KIAA0586: variants seen among roughly 807,000 people sequenced by gnomAD.
KIAA0586 encodes the protein KIAA0586, also known as protein TALPID3.
A neutral mutation model predicts 169.8 loss-of-function variants in KIAA0586; 144 were observed. The observed-to-expected ratio is 0.85, with a 90% CI of 0.74 to 0.97. KIAA0586 has a LOEUF of 0.97. Among genes scored for constraint, KIAA0586 ranks in the 50% least tolerant of loss-of-function variants. The pLI, the probability that KIAA0586 is intolerant of heterozygous loss-of-function variation, is 0.00. For missense variants in KIAA0586, 1,854 were observed against 1,823.0 expected (o/e 1.02, Z -0.31); for synonymous variants, 625 against 612.4 (o/e 1.02, Z -0.30).
chr14:58,486,796 G>A (rs531588721), intron 21 of KIAA0586, among the ~76,000 whole-genome samples: 2 of 152,172 alleles, frequency 1.3e-5, no homozygotes, highest in Non-Finnish European at 1.5e-5. Flanking sequence ...TTAGAATTCT[G>A]TGGGGACCAC....
intron 4 of KIAA0586, among the ~76,000 whole-genome samples, chr14:58,438,831 C>T (rs997077664): frequency 6.6e-6 from 1 of 152,112 alleles, no homozygotes; most frequent in African/African-American, 2.4e-5. Flanking sequence ...TGTGGAGTCA[C>T]TTGTGGGCAT....
At chr14:58,523,722 T>C (rs1434380308) in intron 29 of KIAA0586, among the ~76,000 whole-genome samples, 1 of 146,850 alleles carries the variant, frequency 6.8e-6, no homozygotes, top group African/African-American at 2.5e-5. Flanking sequence ...TAATTGAATA[T>C]TATTATTATT....
intron 4 of KIAA0586, chr14:58,433,325 C>T (rs2037537133): frequency 6.6e-6 from 1 of 152,234 alleles, no homozygotes; most frequent in Non-Finnish European, 1.5e-5. Context: ...CCTTGGTCTC[C>T]CACAGTGCTG....
intron 16 of KIAA0586, among the ~76,000 whole-genome samples, chr14:58,469,450 C>A (rs565225684): frequency 9.8e-5 from 15 of 152,312 alleles, no homozygotes; most frequent in South Asian, 6.2e-4. Flanking sequence ...CCCAGTGGTG[C>A]AGCAGCTATG....
Position 58,508,671 on chromosome 14 carries a change from G to A in KIAA0586, c.4285G>A (p.Asp1429Asn). The change falls in exon 28 of 31, where the codon GAT becomes AAT. Residue 1429 changes from aspartate (D) to asparagine (N), a missense_variant. Physicochemically the swap from Asp to Asn is conservative, Grantham distance 23 (BLOSUM62 1). Transcript: ENST00000652326. The stretch of plus-strand genomic sequence containing the variant: ...AACACTTCTGACAGCACAAGAAAAT[G>A]ATGTTAATTTACCAGTAGCCGCTGA... ...PTTLLTAQEN[D>N]VNLPVAAEDF... 1 of 1,593,462 alleles carries A rather than the reference G, an allele frequency of 6.3e-7. No individual in the cohort carries two copies. Among genetic ancestry groups the A allele is most frequent in the South Asian group, 1.1e-5 (1 of 87,548 alleles).
At chr14:58,486,899 T>A (rs1743702) in intron 21 of KIAA0586, 108 bp from the exon 22 acceptor site, 2 of 807,154 alleles carry the variant, frequency 2.5e-6, no homozygotes, top group Non-Finnish European at 3.6e-6. Flanking sequence ...TACTTAACCC[T>A]GCCATCAATT....
rs2036951640 is a variant in KIAA0586, at chr14:58,427,773, G to A, written c.-492G>A. On this transcript the variant is annotated 5_prime_UTR_variant, in exon 1 of 31. Coordinates refer to ENST00000652326, the MANE Select transcript of KIAA0586 (RefSeq NM_001329943.3). ...CGGGTCTCGGGCGTTCTGGAGATAC[G>A]TAGGGGTGAATTTATGTTTCCGACG... The A allele has an allele frequency of 5.2e-6, 8 of 1,525,616 alleles. No individual in the cohort carries two copies. The highest frequency in any genetic ancestry group is 7.0e-6 in the Non-Finnish European group (8 of 1,142,176). 94.5% of individuals were successfully genotyped at this position (1,525,616 alleles called of 1,614,324 possible). A position where few individuals can be genotyped will look rare whatever the true frequency, so the allele number is the denominator to read the frequency against.
At position 58,467,876 on chromosome 14, in the gene KIAA0586, T is replaced by C. The variant is rs369850927; in HGVS notation, c.2396T>C (p.Val799Ala). The change falls in exon 16 of 31, where the codon GTA becomes GCA. Residue 799 changes from valine (V) to alanine (A), a missense_variant. Val to Ala is a moderately conservative substitution (Grantham distance 64). Transcript: ENST00000652326. Reference protein sequence around the residue: ...TGVKKPNIAIVEMKSEKKDPP... With the variant: ...TGVKKPNIAIAEMKSEKKDPP... ...GTAAAGAAACCTAACATAGCCATTG[T>C]AGAAATGAAGTCAGAAAAAAAGGAT... The C allele has an allele frequency of 1.2e-6, 2 of 1,613,708 alleles. No homozygotes were observed. Among genetic ancestry groups the C allele is most frequent in the Non-Finnish European group, 1.7e-6 (2 of 1,179,796 alleles).
intron 29 of KIAA0586, among the ~76,000 whole-genome samples, chr14:58,531,171 A>G (rs1220728650): frequency 2.0e-5 from 3 of 151,238 alleles, no homozygotes; most frequent in Non-Finnish European, 3.0e-5. Flanking sequence ...ACAAAAAAAA[A>G]AAAAAATTAG....
At chr14:58,544,472 T>C (rs1032610445) in intron 30 of KIAA0586, among the ~76,000 whole-genome samples, 4 of 152,204 alleles carry the variant, frequency 2.6e-5, no homozygotes, top group Admixed American at 6.5e-5. Flanking sequence ...ATTGAACTAA[T>C]TTACCCTCCT....
intron 4 of KIAA0586, among the ~76,000 whole-genome samples, chr14:58,436,352 G>GA (rs911574289): frequency 3.1e-4 from 44 of 143,468 alleles, no homozygotes; most frequent in Admixed American, 4.9e-4. Context: ...TGTCCCCACC[G>GA]AAAAAAAAAA....
At position 58,543,815 on chromosome 14, in the gene KIAA0586, C is replaced by T. The variant is rs78858898; in HGVS notation, c.4495+3679C>T. The T allele has an allele frequency of 0.011, 4,648 of 428,422 alleles. 504 individuals are homozygous for T. The East Asian group carries it at 0.26, about 24-fold the overall frequency. 26.5% of individuals were successfully genotyped at this position (428,422 alleles called of 1,614,324 possible). A position where few individuals can be genotyped will look rare whatever the true frequency, so the allele number is the denominator to read the frequency against. On this transcript the variant is annotated intron_variant, in intron 30 of 30. Coordinates refer to ENST00000652326, the MANE Select transcript of KIAA0586 (RefSeq NM_001329943.3). ...GGACTATTTTTATAGATCCGTCTCC[C>T]GTCTCTCTATTTTCCACACAGCTAT...
chr14:58,450,553 A>G, intron 7 of KIAA0586, 26 bp from the exon 8 acceptor site: 7 of 1,438,344 alleles, frequency 4.9e-6, no homozygotes, highest in Non-Finnish European at 6.7e-6. Flanking sequence ...AAGCAAGTTA[A>G]GTTTTTAAAA....
chr14:58,549,406 G>A lies in KIAA0586; in HGVS notation c.*1474G>A, dbSNP rs1031787752. The A allele has an allele frequency of 5.3e-5, 8 of 151,948 alleles. No individual in the cohort carries two copies. Among genetic ancestry groups the A allele is most frequent in the African/African-American group, 1.7e-4 (7 of 41,376 alleles). 9.4% of individuals were successfully genotyped at this position (151,948 alleles called of 1,614,324 possible). On this transcript the variant is annotated 3_prime_UTR_variant, in exon 31 of 31. Coordinates refer to ENST00000652326, the MANE Select transcript of KIAA0586 (RefSeq NM_001329943.3). Reference sequence around the variant, plus strand: ...ACTCAAGGCTGAGAATTACTGAAGAGCAATTTAGAATTCCTTAAACTTCTA... The same window carrying A: ...ACTCAAGGCTGAGAATTACTGAAGAACAATTTAGAATTCCTTAAACTTCTA...
At chr14:58,482,431 A>AAAT (rs1297271742) in intron 20 of KIAA0586, 82 bp from the exon 21 acceptor site, 122 of 1,082,164 alleles carry the variant, frequency 1.1e-4, no homozygotes, top group African/African-American at 8.7e-4. Flanking sequence ...GTCTCGAGAA[A>AAAT]AATAATAATA....
In KIAA0586 at chr14:58,466,002, C is replaced by T. The variant is rs192490416; in HGVS notation, c.2227C>T (p.His743Tyr). ...TACTTTTTCAGGTACATTGGAAGGT[C>T]ATCTGATTCCTATGGCAATTCTTTT... ...MPTFSGTLEG[H>Y]LIPMAILLGQ... Residue 743 changes from histidine (H) to tyrosine (Y), a missense_variant, in exon 15 of 31, where the codon CAT (histidine) becomes TAT (tyrosine). Physicochemically the swap from His to Tyr is moderately conservative, Grantham distance 83 (BLOSUM62 2). Coordinates refer to ENST00000652326, the MANE Select transcript of KIAA0586 (RefSeq NM_001329943.3). 3 of 1,608,590 alleles carry T rather than the reference C, an allele frequency of 1.9e-6. No homozygotes were observed. In the African/African-American group the frequency reaches 4.0e-5, roughly 22 times the overall value.
intron 30 of KIAA0586, among the ~76,000 whole-genome samples, chr14:58,543,476 C>T (rs1005659763): frequency 1.7e-4 from 26 of 152,292 alleles, no homozygotes; most frequent in African/African-American, 6.0e-4. Flanking sequence ...ATGAGCTCAG[C>T]TCTGCCCTGT....
chr14:58,508,274 G>A (rs1007505984), intron 27 of KIAA0586, among the ~76,000 whole-genome samples: 10 of 152,234 alleles, frequency 6.6e-5, no homozygotes, highest in African/African-American at 2.4e-4. Context: ...GAGTTCGTAT[G>A]TGGGAAGGAG....
chr14:58,460,027 T>G lies in KIAA0586; in HGVS notation c.1841T>G (p.Met614Arg), dbSNP rs1377736495. The G allele has an allele frequency of 1.3e-6, 2 of 1,533,598 alleles. No individual in the cohort carries two copies. Among genetic ancestry groups the G allele is most frequent in the South Asian group, 2.4e-5 (2 of 83,842 alleles). The allele number at this position is 1,533,598 out of a possible 1,614,324, so 95.0% of individuals were successfully genotyped here. The change falls in exon 13 of 31, where the codon ATG (methionine) becomes AGG (arginine). Residue 614 changes from methionine to arginine, a missense_variant. Physicochemically the swap from Met to Arg is moderately conservative, Grantham distance 91. Transcript: ENST00000652326. ...GAAGAGCATTTTAGAAATCTACCTA[T>G]GAGGGGCATGCCTGCTTCAAGTTTA... The part of the protein sequence containing the change: ...QIEEHFRNLP[M>R]RGMPASSLQK...
Sources: allele counts gnomAD v4.1 joint callset (sites outside exome capture counted in the v4.1 genomes callset), GRCh38; gene constraint gnomAD v4.1.1; transcripts MANE v1.5; gene names NCBI Gene and HGNC (gene_info 2026-07-23, HGNC 2026-07-21).